FGF12: variants seen among roughly 807,000 people sequenced by gnomAD.
FGF12 encodes the protein fibroblast growth factor 12.
In FGF12, 14 loss-of-function variants were observed where a neutral mutation model predicts 23.6. That is an observed-to-expected ratio of 0.59 (90% confidence interval 0.39 to 0.93). The LOEUF (loss-of-function observed/expected upper bound fraction) is 0.93, where lower values mean the gene tolerates loss of function less well. Ranked by LOEUF, FGF12 falls within the 40% of genes least tolerant of loss-of-function variation. FGF12 has a pLI of 0.00. For synonymous variants in FGF12, 62 were observed against 77.3 expected, an observed-to-expected ratio of 0.80 and a Z score of 1.04; for missense variants, 175 against 217.8, an observed-to-expected ratio of 0.80 and a Z score of 1.24.
intron 2 of FGF12, among the ~76,000 whole-genome samples, chr3:192,554,304 G>A (rs575449038): frequency 1.3e-5 from 2 of 152,282 alleles, no homozygotes; most frequent in East Asian, 3.9e-4. Context: ...GGGGGGAATT[G>A]TTTCTGTGTC....
chr3:192,437,935 G>A (rs757636148), intron 2 of FGF12, among the ~76,000 whole-genome samples: 1 of 152,008 alleles, frequency 6.6e-6, no homozygotes, highest in Non-Finnish European at 1.5e-5. Context: ...CTGAATAAAC[G>A]TGTTCTCTGA....
intron 4 of FGF12, among the ~76,000 whole-genome samples, chr3:192,309,749 G>A (rs1715840455): frequency 6.6e-6 from 1 of 152,146 alleles, no homozygotes; most frequent in African/African-American, 2.4e-5. Flanking sequence ...TGAAATGACT[G>A]AAAAGGAAAG....
At position 192,587,496 on chromosome 3, in the gene FGF12, T is replaced by G. The variant is rs375632767; in HGVS notation, c.13+139685A>C. On this transcript the variant is annotated intron_variant, in intron 2 of 5. Transcript: ENST00000445105. The stretch of plus-strand genomic sequence containing the variant: ...ATGTTTACATATAATAACAAAGAAA[T>G]AAATTCATGCCGAAAATCAACTCAA... Among the ~76,000 whole-genome samples the G allele has an allele frequency of 8.2e-4, 125 of 151,888 alleles. 4 individuals carry two copies. The South Asian group carries it at 0.02, about 25-fold the overall frequency.
intron 2 of FGF12, among the ~76,000 whole-genome samples, chr3:192,638,411 G>A (rs1476992683): frequency 2.0e-5 from 3 of 152,160 alleles, no homozygotes; most frequent in Non-Finnish European, 4.4e-5. Context: ...ACTCAATTGT[G>A]TAAAGCTTTA....
chr3:192,377,514 A>G (rs1163555237), intron 2 of FGF12, among the ~76,000 whole-genome samples: 1 of 152,226 alleles, frequency 6.6e-6, no homozygotes, highest in Non-Finnish European at 1.5e-5. Flanking sequence ...AACAGCTCAG[A>G]TTACAATAGT....
At chr3:192,427,380 G>C (rs1328910501) in intron 2 of FGF12, among the ~76,000 whole-genome samples, 3 of 141,582 alleles carry the variant, frequency 2.1e-5, no homozygotes, top group Non-Finnish European at 3.1e-5. Context: ...CTCCGTCTCT[G>C]AAAAAAAAAA....
Position 192,144,002 on chromosome 3 carries a change from T to A in FGF12, c.*7A>T. On this transcript the variant is annotated 3_prime_UTR_variant, in exon 6 of 6. Transcript: ENST00000445105. Reference sequence around the variant, plus strand: ...GATGAGAGAGGGAAGAAGGGGAGAGTTCTCAGCTATGTTGAATCTTGATTC... The same window carrying A: ...GATGAGAGAGGGAAGAAGGGGAGAGATCTCAGCTATGTTGAATCTTGATTC... The A allele has an allele frequency of 1.3e-6, 2 of 1,548,244 alleles. No individual in the cohort carries two copies. Among genetic ancestry groups the A allele is most frequent in the South Asian group, 1.1e-5 (1 of 89,644 alleles).
chr3:192,561,387 G>A (rs1371901761), intron 2 of FGF12, among the ~76,000 whole-genome samples: 1 of 151,194 alleles, frequency 6.6e-6, no homozygotes, highest in Non-Finnish European at 1.5e-5. Flanking sequence ...TTTTGAGACA[G>A]AGTCTCGCTC....
chr3:192,407,852 G>C (rs2108775745), intron 2 of FGF12, among the ~76,000 whole-genome samples: 1 of 152,316 alleles, frequency 6.6e-6, no homozygotes, highest in African/African-American at 2.4e-5. Flanking sequence ...CTGAATATGG[G>C]GCAAGAAGCT....
Position 192,290,445 on chromosome 3 carries a change from G to T in FGF12, c.228+44916C>A, listed in dbSNP as rs934180939. Among the ~76,000 whole-genome samples, 7 of 152,264 alleles carry T rather than the reference G, an allele frequency of 4.6e-5. No homozygotes were observed. In the South Asian group the frequency reaches 1.2e-3, roughly 27 times the overall value. On this transcript the variant is annotated intron_variant, in intron 4 of 5. Transcript: ENST00000445105. ...GCGTAGGAGCTTTTCATAAAGTAGT[G>T]AAAGAAGGGGAAGTTGTAGGAGTTA...
intron 2 of FGF12, among the ~76,000 whole-genome samples, chr3:192,392,354 G>A (rs967541314): frequency 2.0e-5 from 3 of 151,666 alleles, no homozygotes; most frequent in African/African-American, 7.3e-5. Context: ...TGATCCCTGA[G>A]GTCGGGAGTT....
chr3:192,265,665 G>C (rs979543303), intron 4 of FGF12, among the ~76,000 whole-genome samples: 2 of 151,938 alleles, frequency 1.3e-5, no homozygotes, highest in Non-Finnish European at 2.9e-5. Context: ...ACACAGCCAT[G>C]CTCATTCATT....
chr3:192,165,694 A>G (rs1477975686), intron 5 of FGF12, among the ~76,000 whole-genome samples: 1 of 152,148 alleles, frequency 6.6e-6, no homozygotes, highest in Non-Finnish European at 1.5e-5. Context: ...TCAATTTTGC[A>G]TGATTTAAAA....
chr3:192,567,533 C>G (rs778668225), intron 2 of FGF12, among the ~76,000 whole-genome samples: 2 of 152,124 alleles, frequency 1.3e-5, no homozygotes, highest in African/African-American at 4.8e-5. Context: ...TAAAAACCCA[C>G]TACAGACTTG....
intron 4 of FGF12, among the ~76,000 whole-genome samples, chr3:192,319,470 G>T (rs1716414370): frequency 6.6e-6 from 1 of 151,984 alleles, no homozygotes; most frequent in African/African-American, 2.4e-5. Flanking sequence ...GGTGGTGCAT[G>T]CCTGTAATCC....
intron 4 of FGF12, among the ~76,000 whole-genome samples, chr3:192,185,876 A>G (rs111783937): frequency 0.022 from 3,295 of 152,144 alleles, 140 homozygotes; most frequent in African/African-American, 0.075. Flanking sequence ...AAAAAAAGTT[A>G]CAGCGAATAA....
At chr3:192,180,275 G>T (rs1266631319) in intron 4 of FGF12, among the ~76,000 whole-genome samples, 1 of 152,160 alleles carries the variant, frequency 6.6e-6, no homozygotes, top group African/African-American at 2.4e-5. Flanking sequence ...GAAGTGAGGT[G>T]GGAGAAAGCC....
intron 2 of FGF12, among the ~76,000 whole-genome samples, chr3:192,454,148 C>T (rs1722609037): frequency 6.6e-6 from 1 of 152,110 alleles, no homozygotes; most frequent in South Asian, 2.1e-4. Context: ...AAGCGATTCT[C>T]CTGCCTCAGC....
intron 2 of FGF12, among the ~76,000 whole-genome samples, chr3:192,421,390 T>C (rs576736422): frequency 1.1e-4 from 16 of 150,572 alleles, no homozygotes; most frequent in African/African-American, 2.9e-4. Context: ...GTATATAGTC[T>C]AGAGTACCCA....
Sources: allele counts gnomAD v4.1 joint callset (sites outside exome capture counted in the v4.1 genomes callset), GRCh38; gene constraint gnomAD v4.1.1; transcripts MANE v1.5; gene names NCBI Gene and HGNC (gene_info 2026-07-23, HGNC 2026-07-21).